INF2: variants seen among roughly 807,000 people sequenced by gnomAD.
INF2 encodes inverted formin 2.
INF2 carries 43 observed loss-of-function variants against 123.5 expected under a neutral mutation model. That is an observed-to-expected ratio of 0.35 (90% CI 0.27 to 0.45). The LOEUF is 0.45. Among genes scored for constraint, INF2 ranks in the 20% least tolerant of loss-of-function variants. The pLI is 1.00. For synonymous variants in INF2, 851 were observed against 745.0 expected (o/e 1.14, Z -2.32); for missense variants, 1,453 against 1,682.7 (o/e 0.86, Z 2.39).
upstream of INF2, among the ~76,000 whole-genome samples, chr14:104,686,321 G>C (rs1888662721): frequency 6.6e-6 from 1 of 150,646 alleles, no homozygotes; most frequent in Non-Finnish European, 1.5e-5. Flanking sequence ...GGGTGGATGG[G>C]TGGATGAGTG....
intron 1 of INF2, among the ~76,000 whole-genome samples, chr14:104,682,046 A>T (rs1888537135): frequency 6.6e-6 from 1 of 152,206 alleles, no homozygotes; most frequent in Non-Finnish European, 1.5e-5. Context: ...CAGAAGAGCC[A>T]GCAGCCTGTG....
Position 104,708,749 on chromosome 14 carries a change from G to GC in INF2, c.1949+22dup. 4.3e-6 allele frequency: 7 copies of GC among 1,612,404 alleles called. No homozygotes were observed. The highest frequency in any genetic ancestry group is 5.9e-6 in the Non-Finnish European group (7 of 1,179,372). ...ATTTAAGTGGTGAGTGAGGGAGGTAGCCCCCATCCCAGGCCACGGAGCCTC... is the reference window on the plus strand; with the variant it reads ...ATTTAAGTGGTGAGTGAGGGAGGTAGCCCCCCATCCCAGGCCACGGAGCCTC... On this transcript the variant is annotated intron_variant, in intron 10 of 22. Transcript: ENST00000392634.
At chr14:104,713,673 A>G in intron 20 of INF2, 67 bp downstream of exon 20, 1 of 1,542,580 alleles carries the variant, frequency 6.5e-7, no homozygotes, top group African/African-American at 1.4e-5. Context: ...GCCTCCAGGA[A>G]GTCCTCCTGA....
Position 104,714,761 on chromosome 14 carries a change from A to T in INF2, c.3599A>T (p.Asp1200Val). ...DKSFSEDAVT[D>V]SSGSGTLPRA... ...TCCTTCTCCGAGGATGCGGTGACCGACTCCTCGGGGTCGGGCACACTCCCC... is the reference window on the plus strand; with the variant it reads ...TCCTTCTCCGAGGATGCGGTGACCGTCTCCTCGGGGTCGGGCACACTCCCC... The change falls in exon 21 of 23, where the codon GAC (aspartate) becomes GTC (valine). Residue 1200 changes from aspartate (D) to valine (V), a missense_variant. Physicochemically the swap from Asp to Val is radical, Grantham distance 152. Coordinates refer to ENST00000392634, the MANE Select transcript of INF2 (RefSeq NM_022489.4). 1 of 1,596,938 alleles carries T rather than the reference A, an allele frequency of 6.3e-7. No individual in the cohort carries two copies. Among genetic ancestry groups the T allele is most frequent in the Non-Finnish European group, 8.5e-7 (1 of 1,172,486 alleles).
upstream of INF2, among the ~76,000 whole-genome samples, chr14:104,685,633 TG>T (rs1888636583): frequency 2.8e-5 from 1 of 35,286 alleles, no homozygotes; most frequent in Non-Finnish European, 5.5e-5. Context: ...GGTGGGTAGG[TG>T]GGGGGATGGG....
At chr14:104,710,576 G>T in intron 13 of INF2, 1 of 495,148 alleles carries the variant, frequency 2.0e-6, no homozygotes, top group South Asian at 2.3e-5. Flanking sequence ...ACAGACACAC[G>T]TACACACCCC....
intron 8 of INF2, 171 bp from the exon 9 acceptor site, chr14:104,708,265 G>A (rs1889879056): frequency 2.2e-6 from 2 of 928,458 alleles, no homozygotes; most frequent in East Asian, 5.2e-5. Flanking sequence ...CTGGGGCCCT[G>A]CTACAGGTGC....
chr14:104,713,026 C>CT (rs1890125406), intron 18 of INF2, 34 bp downstream of exon 18: 2 of 1,611,194 alleles, frequency 1.2e-6, no homozygotes, highest in African/African-American at 2.7e-5. Context: ...GCCTGTCTGG[C>CT]TAGAGTGGGG....
At chr14:104,692,742 T>C (rs962850785) in intron 1 of INF2, among the ~76,000 whole-genome samples, 2 of 152,138 alleles carry the variant, frequency 1.3e-5, no homozygotes, top group African/African-American at 4.8e-5. Flanking sequence ...GAATGACCAG[T>C]GTGGTCACAG....
At chr14:104,698,430 C>T (rs990368081) in intron 1 of INF2, among the ~76,000 whole-genome samples, 2 of 152,162 alleles carry the variant, frequency 1.3e-5, no homozygotes, top group African/African-American at 4.8e-5. Context: ...CACAGGCGGG[C>T]GGGGGAGTGG....
At position 104,707,703 on chromosome 14, in the gene INF2, C is replaced by A; in HGVS notation, c.1436C>A (p.Pro479His). ...CCCCCAGCACCTCCTCTACCACCAC[C>A]CCTGCCAGGCTCCTGTGAGTTCCTG... ...MAPPAPPLPPPLPGSCEFLPP... is the reference protein window; with the variant it reads ...MAPPAPPLPPHLPGSCEFLPP... Residue 479 changes from proline to histidine, a missense_variant, in exon 8 of 23, where the codon CCC (proline) becomes CAC (histidine). Pro to His is a moderately conservative substitution (Grantham distance 77). Coordinates refer to ENST00000392634, the MANE Select transcript of INF2 (RefSeq NM_022489.4). 1 of 1,214,034 alleles carries A rather than the reference C, an allele frequency of 8.2e-7. No homozygotes were observed. Among genetic ancestry groups the A allele is most frequent in the Non-Finnish European group, 1.2e-6 (1 of 858,024 alleles). 75.2% of individuals were successfully genotyped at this position (1,214,034 alleles called of 1,614,324 possible).
chr14:104,701,820 C>G, intron 2 of INF2, 64 bp downstream of exon 2: 2 of 1,427,730 alleles, frequency 1.4e-6, no homozygotes, highest in South Asian at 1.5e-5. Flanking sequence ...GGCTTCAGGC[C>G]CAAAAGGCCC....
Position 104,708,545 on chromosome 14 carries a change from G to A in INF2, c.1845G>A (p.Glu615=). The A allele has an allele frequency of 1.9e-6, 3 of 1,612,536 alleles. No individual in the cohort carries two copies. The highest frequency in any genetic ancestry group is 2.5e-6 in the Non-Finnish European group (3 of 1,179,818). Residue 615 remains glutamate (E), a synonymous_variant, in exon 9 of 23, where the codon GAG becomes GAA. Transcript: ENST00000392634. ...LFSFPAAKPK[E]PTMVAPRARK... is the part of the protein sequence containing the mutation. Reference sequence around the variant, plus strand: ...CCTTCCCTGCAGCCAAGCCCAAGGAGCCCACCATGGTGGCCCCCCGGGCCA... The same window carrying A: ...CCTTCCCTGCAGCCAAGCCCAAGGAACCCACCATGGTGGCCCCCCGGGCCA...
chr14:104,689,430 G>A (rs946684255), upstream of INF2, among the ~76,000 whole-genome samples: 2 of 152,094 alleles, frequency 1.3e-5, no homozygotes, highest in Non-Finnish European at 2.9e-5. Flanking sequence ...GGGCGGCCAG[G>A]TTATTCACGG....
At chr14:104,715,010 C>T (rs1329430374) in intron 21 of INF2, among the ~76,000 whole-genome samples, 154 bp downstream of exon 21, 2 of 152,206 alleles carry the variant, frequency 1.3e-5, no homozygotes, top group Non-Finnish European at 1.5e-5. Context: ...GTGCGTCCAC[C>T]GCAGGGCGGC....
At chr14:104,715,986 G>C (rs1211329957) in intron 22 of INF2, 8 of 455,612 alleles carry the variant, frequency 1.8e-5, no homozygotes, top group Non-Finnish European at 3.5e-5. Flanking sequence ...CGAGTCTTCT[G>C]GGGGGCGACC....
At chr14:104,708,770 G>T (rs867158009) in intron 10 of INF2, 38 bp downstream of exon 10, 2 of 1,603,642 alleles carry the variant, frequency 1.2e-6, no homozygotes, top group Non-Finnish European at 1.7e-6. Context: ...AGGCCACGGA[G>T]CCTCGCCTCC....
chr14:104,719,754 T>C lies in INF2; in HGVS notation c.*961T>C, dbSNP rs1036577782. Reference sequence around the variant, plus strand: ...CGTGTGAACACTCACTGTTGAGGGGTCCCTGGGCCCCCAGGCACCGTGTGA... The same window carrying C: ...CGTGTGAACACTCACTGTTGAGGGGCCCCTGGGCCCCCAGGCACCGTGTGA... On this transcript the variant is annotated 3_prime_UTR_variant, in exon 23 of 23. Coordinates refer to ENST00000392634, the MANE Select transcript of INF2 (RefSeq NM_022489.4). 6.6e-6 allele frequency: 1 copy of C among 150,430 alleles called. No individual in the cohort carries two copies. The highest frequency in any genetic ancestry group is 1.5e-5 in the Non-Finnish European group (1 of 67,846). 9.3% of individuals were successfully genotyped at this position (150,430 alleles called of 1,614,324 possible). A position where few individuals can be genotyped will look rare whatever the true frequency, so the allele number is the denominator to read the frequency against.
At chr14:104,688,291 C>T (rs547963930), upstream of INF2, among the ~76,000 whole-genome samples, 53 of 152,358 alleles carry the variant, frequency 3.5e-4, no homozygotes, top group Non-Finnish European at 6.9e-4. Context: ...GGCTGCTGGG[C>T]AGGGCAAGGT....
Sources: allele counts gnomAD v4.1 joint callset (sites outside exome capture counted in the v4.1 genomes callset), GRCh38; gene constraint gnomAD v4.1.1; transcripts MANE v1.5; gene names NCBI Gene and HGNC (gene_info 2026-07-23, HGNC 2026-07-21).